HEATR4: variants seen among roughly 807,000 people sequenced by gnomAD.
The protein encoded by HEATR4 is HEAT repeat containing 4.
HEATR4 carries 95 observed loss-of-function variants against 108.8 expected under a neutral mutation model. The observed-to-expected ratio is 0.87, with a 90% CI of 0.74 to 1.04. The LOEUF is 1.04. Ranked by LOEUF, HEATR4 falls within the 50% of genes least tolerant of loss-of-function variation. HEATR4 has a pLI of 0.00. For missense variants in HEATR4, 1,152 were observed against 1,253.8 expected (o/e 0.92, Z 1.23); for synonymous variants, 443 against 459.4 (o/e 0.96, Z 0.46).
At chr14:73,595,092 C>G in the HEATR4 span, 1 of 1,614,122 alleles carries the variant, frequency 6.2e-7, no homozygotes, top group Non-Finnish European at 8.5e-7. Flanking sequence ...TCTCTAGGAG[C>G]TGATATTTGT....
chr14:73,500,476 C>G, intron 12 of HEATR4, 74 bp downstream of exon 12: 1 of 1,439,102 alleles, frequency 6.9e-7, no homozygotes, highest in Non-Finnish European at 9.5e-7. Context: ...GTTGAGCATA[C>G]TGTGCACAAC....
chr14:73,498,631 CA>C (rs936569452), intron 13 of HEATR4, among the ~76,000 whole-genome samples: 10 of 152,106 alleles, frequency 6.6e-5, no homozygotes, highest in African/African-American at 2.4e-4. Context: ...AAAGGAGGCA[CA>C]ATTATTTATC....
chr14:73,503,109 T>G, intron 10 of HEATR4, 96 bp from the exon 11 acceptor site: 1 of 950,230 alleles, frequency 1.1e-6, no homozygotes, highest in South Asian at 1.4e-5. Context: ...TACTCATCAC[T>G]GTACTAATGA....
At position 73,492,612 on chromosome 14, in the gene HEATR4, C is replaced by G; in HGVS notation, c.2844+454G>C. The G allele has an allele frequency of 6.2e-7, 1 of 1,613,866 alleles. No homozygotes were observed. The highest frequency in any genetic ancestry group is 1.1e-5 in the South Asian group (1 of 91,072). On this transcript the variant is annotated intron_variant, in intron 17 of 17. Transcript: ENST00000553558. The surrounding 1 kb of genome is among the most constrained non-coding windows in gnomAD (Gnocchi z 4.9). ...TACGGGCTTCCAATTCGCTGGGAGGCTGGAGAACCTGTAAACGTGGGGGCC... is the reference window on the plus strand; with the variant it reads ...TACGGGCTTCCAATTCGCTGGGAGGGTGGAGAACCTGTAAACGTGGGGGCC...
the HEATR4 span, among the ~76,000 whole-genome samples, chr14:73,570,804 T>C: frequency 7.0e-5 from 10 of 142,716 alleles, no homozygotes; most frequent in South Asian, 2.2e-4. Context: ...ACTTAGGAGG[T>C]TGAGGCAGGA....
At chr14:73,594,899 T>A in the HEATR4 span, 2 of 863,280 alleles carry the variant, frequency 2.3e-6, no homozygotes, top group South Asian at 3.3e-5. Context: ...GAGACAGGGT[T>A]CTGCCATGTT....
chr14:73,541,369 G>C lies in HEATR4; in HGVS notation c.-151-11125C>G. 10 of 820,078 alleles carry C rather than the reference G, an allele frequency of 1.2e-5. 2 individuals are homozygous for C. The South Asian group carries it at 1.6e-4, about 13-fold the overall frequency. 50.8% of individuals were successfully genotyped at this position (820,078 alleles called of 1,614,324 possible). ...GAACACAGGTTTTCATTTCTCGTGG[G>C]TAGATACCTAGGAGTGGGATTGCTG... On this transcript the variant is annotated intron_variant, in intron 1 of 17. Transcript: ENST00000553558.
the HEATR4 span, chr14:73,569,643 G>A: frequency 3.7e-6 from 6 of 1,603,614 alleles, no homozygotes; most frequent in South Asian, 4.4e-5. Context: ...CGGCAGCTTC[G>A]CGGGGCTTGA....
chr14:73,492,829 G>A lies in HEATR4; in HGVS notation c.2844+237C>T. The A allele has an allele frequency of 6.2e-7, 1 of 1,613,908 alleles. No individual in the cohort carries two copies. Among genetic ancestry groups the A allele is most frequent in the Non-Finnish European group, 8.5e-7 (1 of 1,179,876 alleles). On this transcript the variant is annotated intron_variant, in intron 17 of 17. Coordinates refer to ENST00000553558, the MANE Select transcript of HEATR4 (RefSeq NM_001220484.1). The surrounding 1 kb of genome is among the most constrained non-coding windows in gnomAD (Gnocchi z 4.9). ...AACTGTTGCTTGGTTCTTATCCAGA[G>A]TTTGTGAGAGTGGGGGACCTGCCCT...
the HEATR4 span, chr14:73,632,121 G>A: frequency 6.6e-6 from 1 of 150,472 alleles, no homozygotes; most frequent in East Asian, 1.9e-4. Context: ...TCAGTGCTGT[G>A]GTGGTTTAAA....
Position 73,534,693 on chromosome 14 carries a change from AAAAC to A in HEATR4, c.-151-4453_-151-4450del, listed in dbSNP as rs1197737094. Among the ~76,000 whole-genome samples the A allele has an allele frequency of 7.0e-5, 8 of 114,874 alleles. 1 individual carries two copies. The highest frequency in any genetic ancestry group is 2.0e-4 in the African/African-American group (7 of 35,256). The allele number at this position is 114,874 out of a possible 152,430, so 75.4% of individuals were successfully genotyped here. On this transcript the variant is annotated intron_variant, in intron 1 of 17. Coordinates refer to ENST00000553558, the MANE Select transcript of HEATR4 (RefSeq NM_001220484.1). ...AACACAGTGAGACACCCCGTCTTAA[AAAAC>A]AAACAAGCAAATAAACAAATACTAT...
chr14:73,565,001 A>ATAAC, the HEATR4 span, among the ~76,000 whole-genome samples: 2 of 152,058 alleles, frequency 1.3e-5, no homozygotes, highest in Non-Finnish European at 2.9e-5. Context: ...CTTCTGCTAT[A>ATAAC]TAACTTTAGA....
chr14:73,595,019 A>C, the HEATR4 span: 1 of 1,608,888 alleles, frequency 6.2e-7, no homozygotes, highest in East Asian at 2.2e-5. Context: ...TAAGTTATTG[A>C]CTCAACTCTC....
Position 73,514,133 on chromosome 14 carries a change from T to C in HEATR4, c.1312A>G (p.Arg438Gly). Residue 438 changes from arginine (R) to glycine (G), a missense_variant, in exon 6 of 18, where the codon AGG (arginine) becomes GGG (glycine). Coordinates refer to ENST00000553558, the MANE Select transcript of HEATR4 (RefSeq NM_001220484.1). ...GATTTTGCCTGCTTCTTCAATCTCC[T>C]GGTCTTAATAGGCACATCCTTCTCA... ...VGEKDVPIKT[R>G]RLKKQAKSLQ... is the part of the protein sequence containing the mutation. The C allele has an allele frequency of 6.2e-7, 1 of 1,614,224 alleles. No individual in the cohort carries two copies. The highest frequency in any genetic ancestry group is 8.5e-7 in the Non-Finnish European group (1 of 1,180,040).
In HEATR4 at chr14:73,551,527, G is replaced by T. The variant is rs547347855; in HGVS notation, c.-152+7224C>A. ...CGTGCATTAAGAGACAAAATGGCAG[G>T]CCAGGCGCGGTGGCTCACGCCTGTA... On this transcript the variant is annotated intron_variant, in intron 1 of 17. Coordinates refer to ENST00000553558, the MANE Select transcript of HEATR4 (RefSeq NM_001220484.1). Among the ~76,000 whole-genome samples the T allele has an allele frequency of 7.0e-5, 8 of 114,344 alleles. 3 individuals carry two copies. The highest frequency in any genetic ancestry group is 2.3e-4 in the African/African-American group (8 of 35,198). 75.0% of individuals were successfully genotyped at this position (114,344 alleles called of 152,430 possible).
Position 73,522,924 on chromosome 14 carries a change from C to T in HEATR4, c.229G>A (p.Val77Met). ...CTGGGCAGGCCTCGCTGCCACACCA[C>T]CTCCTGAGAGAAGGTAAGGTTTGCA... is the stretch of plus-strand genomic sequence containing the variant. ...AAANLTFSQE[V>M]VWQRGLPSIP... The change falls in exon 3 of 18, where the codon GTG (valine) becomes ATG (methionine). Residue 77 changes from valine (V) to methionine (M), a missense_variant. Coordinates refer to ENST00000553558, the MANE Select transcript of HEATR4 (RefSeq NM_001220484.1). 1.2e-6 allele frequency: 2 copies of T among 1,614,220 alleles called. No homozygotes were observed. The highest frequency in any genetic ancestry group is 1.7e-6 in the Non-Finnish European group (2 of 1,180,046).
chr14:73,520,659 A>G (rs2140295359), intron 4 of HEATR4, 193 bp downstream of exon 4: 1 of 533,714 alleles, frequency 1.9e-6, no homozygotes, highest in African/African-American at 1.9e-5. Context: ...GAGAGAGAGC[A>G]GTTCCCTCCC....
At chr14:73,594,745 A>T in the HEATR4 span, among the ~76,000 whole-genome samples, 3 of 151,890 alleles carry the variant, frequency 2.0e-5, no homozygotes, top group African/African-American at 7.3e-5. Flanking sequence ...TTGTCACCCA[A>T]GCTGGAGCGC....
At chr14:73,524,923 C>G (rs897063282) in intron 2 of HEATR4, among the ~76,000 whole-genome samples, 2 of 152,118 alleles carry the variant, frequency 1.3e-5, no homozygotes, top group Non-Finnish European at 2.9e-5. Context: ...AGCACATAGC[C>G]TCTCTCCCTA....
Sources: gnomAD v4.1 joint callset for allele counts (sites outside exome capture counted in the v4.1 genomes callset) on GRCh38, gnomAD v4.1.1 for gene constraint, Gnocchi (gnomAD v3.1) non-coding constraint, MANE v1.5 for transcripts, NCBI Gene and HGNC (gene_info 2026-07-23, HGNC 2026-07-21) for gene names.